A4GNT: variants seen among roughly 807,000 people sequenced by gnomAD.
The protein encoded by A4GNT is alpha-1,4-N-acetylglucosaminyltransferase.
In A4GNT, 6 loss-of-function variants were observed where a neutral mutation model predicts 8.3. The ratio of observed to expected loss-of-function variants is 0.72; its 90% CI spans 0.39 to 1.42. The LOEUF (loss-of-function observed/expected upper bound fraction) is 1.42, where lower values mean the gene tolerates loss of function less well. A4GNT is among the 40% of genes most tolerant of loss of function. The probability of loss-of-function intolerance (pLI) is 0.02; values close to 1 mark genes in which losing one functional copy is unlikely to be tolerated. For missense variants in A4GNT, 377 were observed against 417.0 expected (o/e 0.90, Z 0.84); for synonymous variants, 157 against 159.8 (o/e 0.98, Z 0.13).
chr3:138,126,654 C>T (rs1306491146), intron 2 of A4GNT, among the ~76,000 whole-genome samples: 3 of 144,026 alleles, frequency 2.1e-5, no homozygotes, highest in Non-Finnish European at 4.5e-5. Flanking sequence ...GATGAAGCCC[C>T]GTCTCCACTA....
chr3:138,130,464 C>G (rs1323429495), intron 2 of A4GNT, among the ~76,000 whole-genome samples: 1 of 151,966 alleles, frequency 6.6e-6, no homozygotes, highest in Non-Finnish European at 1.5e-5. Context: ...TTTCTACTTA[C>G]ATCATTTTCA....
chr3:138,124,391 G>A lies in A4GNT; in HGVS notation c.896C>T (p.Ala299Val). 1.2e-6 allele frequency: 2 copies of A among 1,614,200 alleles called. No individual in the cohort carries two copies. Among genetic ancestry groups the A allele is most frequent in the Non-Finnish European group, 1.7e-6 (2 of 1,180,038 alleles). ...CAGTGTGTTGCTTCCTCTAATCACA[G>A]CCCGCCCCTCCTGGTTCATGTGGTT... is the stretch of plus-strand genomic sequence containing the variant. ...LWNHMNQEGR[A>V]VIRGSNTLVE... The change falls in exon 3 of 3, where the codon GCT becomes GTT. Residue 299 changes from alanine (A) to valine (V), a missense_variant. Ala to Val is a moderately conservative substitution (Grantham distance 64). Coordinates refer to ENST00000236709, the MANE Select transcript of A4GNT (RefSeq NM_016161.3).
Position 138,124,354 on chromosome 3 carries a change from G to C in A4GNT, c.933C>G (p.Leu311=). ...AAGTCCTGGGACAGTGCTTGCGATA[G>C]AGATTTTCCACCAGTGTGTTGCTTC... ...IRGSNTLVEN[L]YRKHCPRTYR... The change falls in exon 3 of 3, where the codon CTC becomes CTG. Residue 311 remains leucine (L), a synonymous_variant. Transcript: ENST00000236709. 1 of 1,614,238 alleles carries C rather than the reference G, an allele frequency of 6.2e-7. No individual in the cohort carries two copies. Among genetic ancestry groups the C allele is most frequent in the Non-Finnish European group, 8.5e-7 (1 of 1,180,048 alleles).
chr3:138,130,111 T>C (rs1461877058), intron 2 of A4GNT, among the ~76,000 whole-genome samples: 1 of 151,916 alleles, frequency 6.6e-6, no homozygotes, highest in Non-Finnish European at 1.5e-5. Flanking sequence ...TAGATGTGTG[T>C]GGGTTTTTGC....
In A4GNT at chr3:138,124,431, C is replaced by G; in HGVS notation, c.856G>C (p.Ala286Pro). 1.2e-6 allele frequency: 2 copies of G among 1,614,204 alleles called. No individual in the cohort carries two copies. Among genetic ancestry groups the G allele is most frequent in the African/African-American group, 2.7e-5 (2 of 75,042 alleles). ...DTEPSFNVSY[A>P]LHLWNHMNQE... is the part of the protein sequence containing the mutation. The stretch of plus-strand genomic sequence containing the variant: ...TTCATGTGGTTCCACAAATGCAGGG[C>G]ATAAGAGACATTGAAGCTTGGCTCT... The change falls in exon 3 of 3, where the codon GCC (alanine) becomes CCC (proline). Residue 286 changes from alanine (A) to proline (P), a missense_variant. Coordinates refer to ENST00000236709, the MANE Select transcript of A4GNT (RefSeq NM_016161.3).
Position 138,131,229 on chromosome 3 carries a change from A to G in A4GNT, c.28T>C (p.Ser10Pro). Residue 10 changes from serine to proline, a missense_variant, in exon 2 of 3, where the codon TCA (serine) becomes CCA (proline). Transcript: ENST00000236709. ...CCACAGACAAGCAGCAAGGTGACTG[A>G]CAGGGAGAGCTGGAGCTCCTTCCGC... MRKELQLSLSVTLLLVCGFL... is the reference protein window; with the variant it reads MRKELQLSLPVTLLLVCGFL... 1 of 1,597,380 alleles carries G rather than the reference A, an allele frequency of 6.3e-7. No individual in the cohort carries two copies. The highest frequency in any genetic ancestry group is 1.1e-5 in the South Asian group (1 of 90,508).
At chr3:138,132,938 C>A (rs911673464), upstream of A4GNT, among the ~76,000 whole-genome samples, 5 of 152,166 alleles carry the variant, frequency 3.3e-5, no homozygotes, top group Non-Finnish European at 7.4e-5. Flanking sequence ...AAGCCTCGTC[C>A]CAGTCTCAGG....
At chr3:138,130,264 C>G (rs1268207409) in intron 2 of A4GNT, among the ~76,000 whole-genome samples, 1 of 152,032 alleles carries the variant, frequency 6.6e-6, no homozygotes, top group Non-Finnish European at 1.5e-5. Context: ...AGTTGTTGTA[C>G]TATAATTTCT....
intron 2 of A4GNT, among the ~76,000 whole-genome samples, chr3:138,128,471 G>T (rs2042758372): frequency 6.6e-6 from 1 of 151,884 alleles, no homozygotes; most frequent in Non-Finnish European, 1.5e-5. Context: ...AGAGAGAGTG[G>T]GGGTGGGGGG....
At chr3:138,125,938 T>G in intron 2 of A4GNT, among the ~76,000 whole-genome samples, 1 of 149,188 alleles carries the variant, frequency 6.7e-6, no homozygotes. Context: ...TGGAGAGGGG[T>G]GGGGAGGGAG....
At chr3:138,125,336 A>C (rs1293466821) in intron 2 of A4GNT, among the ~76,000 whole-genome samples, 1 of 152,180 alleles carries the variant, frequency 6.6e-6, no homozygotes, top group Non-Finnish European at 1.5e-5. Context: ...AAATTGATAA[A>C]AAAATCTTAA....
At chr3:138,132,488 A>C (rs910774084), upstream of A4GNT, 2 of 152,186 alleles carry the variant, frequency 1.3e-5, no homozygotes, top group African/African-American at 4.8e-5. Flanking sequence ...GACTAAACAC[A>C]AAAAGTTCCC....
intron 2 of A4GNT, 145 bp from the exon 3 acceptor site, chr3:138,125,023 G>A: frequency 8.9e-7 from 1 of 1,120,058 alleles, no homozygotes; most frequent in Non-Finnish European, 1.2e-6. Context: ...GATTTTGCAA[G>A]TTTACCAAAC....
chr3:138,125,425 G>A (rs1022519956), intron 2 of A4GNT, among the ~76,000 whole-genome samples: 3 of 152,068 alleles, frequency 2.0e-5, no homozygotes, highest in Non-Finnish European at 2.9e-5. Context: ...ACTATGTGCC[G>A]AATTCTATTA....
At chr3:138,127,442 T>C (rs2042752434) in intron 2 of A4GNT, among the ~76,000 whole-genome samples, 1 of 151,532 alleles carries the variant, frequency 6.6e-6, no homozygotes, top group Admixed American at 6.6e-5. Context: ...GGCATGGTGG[T>C]GCGTGCTTGT....
At chr3:138,131,415 GT>G in intron 1 of A4GNT, 133 bp from the exon 2 acceptor site, 1 of 801,528 alleles carries the variant, frequency 1.2e-6, no homozygotes, top group East Asian at 3.1e-5. Context: ...ATGAAATCAA[GT>G]CCAGCAATAT....
Position 138,130,777 on chromosome 3 carries a change from G to A in A4GNT, c.408+72C>T, listed in dbSNP as rs117150709. On this transcript the variant is annotated intron_variant, in intron 2 of 2. Transcript: ENST00000236709. The stretch of plus-strand genomic sequence containing the variant: ...AAATGTGGGTTCTATTCCCATCTCC[G>A]ACCTGAGTCCTTACCCTCAGTTTAC... 8.9e-4 allele frequency: 1,355 copies of A among 1,523,908 alleles called. 13 individuals carry two copies. The East Asian group carries it at 0.025, about 28-fold the overall frequency. The allele number at this position is 1,523,908 out of a possible 1,614,324, so 94.4% of individuals were successfully genotyped here.
chr3:138,131,279 G>A lies in A4GNT; in HGVS notation c.-23C>T, dbSNP rs754688958. 2.0e-6 allele frequency: 3 copies of A among 1,501,120 alleles called. No individual in the cohort carries two copies. The highest frequency in any genetic ancestry group is 2.7e-6 in the Non-Finnish European group (3 of 1,118,750). 93.0% of individuals were successfully genotyped at this position (1,501,120 alleles called of 1,614,324 possible). On this transcript the variant is annotated 5_prime_UTR_variant, in exon 2 of 3. Transcript: ENST00000236709. ...CATGTCCTCTTCTCTGTGCCAGCCTGCTCCTTTAAATCAACACAATTAATT... is the reference window on the plus strand; with the variant it reads ...CATGTCCTCTTCTCTGTGCCAGCCTACTCCTTTAAATCAACACAATTAATT...
At position 138,131,073 on chromosome 3, in the gene A4GNT, C is replaced by T. The variant is rs548352375; in HGVS notation, c.184G>A (p.Glu62Lys). The T allele has an allele frequency of 3.1e-6, 5 of 1,613,702 alleles. No individual in the cohort carries two copies. Among genetic ancestry groups the T allele is most frequent in the South Asian group, 2.2e-5 (2 of 91,062 alleles). The part of the protein sequence containing the change: ...IVFLETSERM[E>K]PPHLVSCSVE... ...GAACAGGAGACCAAATGGGGTGGCT[C>T]CATTCTCTCTGAGGTCTCTAGAAAC... Residue 62 changes from glutamate to lysine, a missense_variant, in exon 2 of 3, where the codon GAG becomes AAG. By Grantham distance (56) the Glu-to-Lys change is moderately conservative (BLOSUM62 1). Coordinates refer to ENST00000236709, the MANE Select transcript of A4GNT (RefSeq NM_016161.3).
Sources: allele counts gnomAD v4.1 joint callset (sites outside exome capture counted in the v4.1 genomes callset), GRCh38; gene constraint gnomAD v4.1.1; transcripts MANE v1.5; gene names NCBI Gene and HGNC (gene_info 2026-07-23, HGNC 2026-07-21).